The following FGGY variants were observed in gnomAD, a reference collection of about 807,000 sequenced individuals.
FGGY encodes the protein FGGY carbohydrate kinase domain containing, also known as FGGY carbohydrate kinase domain-containing protein.
Under a neutral mutation model 71.3 loss-of-function variants are expected in FGGY, and 72 were observed. The observed-to-expected ratio is 1.01, with a 90% CI of 0.84 to 1.23. The LOEUF (loss-of-function observed/expected upper bound fraction) is 1.23, where lower values mean the gene tolerates loss of function less well. FGGY is among the 50% of genes most tolerant of loss of function. The pLI is 0.00. For synonymous variants in FGGY, 251 were observed against 250.3 expected (o/e 1.00, Z -0.02); for missense variants, 668 against 682.3 (o/e 0.98, Z 0.23).
At chr1:59,732,711 GT>G (rs1225754051) in intron 14 of FGGY, among the ~76,000 whole-genome samples, 2 of 152,130 alleles carry the variant, frequency 1.3e-5, no homozygotes, top group African/African-American at 2.4e-5. Context: ...TAGTTGGTTA[GT>G]TGATTACTTT....
chr1:59,316,860 C>A (rs1166471327), intron 1 of FGGY, among the ~76,000 whole-genome samples: 1 of 152,130 alleles, frequency 6.6e-6, no homozygotes, highest in Non-Finnish European at 1.5e-5. Flanking sequence ...AGTCCGTGCC[C>A]TCATTTCTTT....
chr1:59,412,441 T>C (rs2063741048), intron 5 of FGGY, among the ~76,000 whole-genome samples: 1 of 152,174 alleles, frequency 6.6e-6, no homozygotes, highest in Non-Finnish European at 1.5e-5. Flanking sequence ...AACTTCATCT[T>C]GCCTCCCCCT....
Position 59,462,881 on chromosome 1 carries a change from A to C in FGGY, c.670+5805A>C, listed in dbSNP as rs527945612. 4.5e-3 allele frequency among the ~76,000 whole-genome samples: 676 copies of C among 151,826 alleles called. 4 individuals carry two copies. Among genetic ancestry groups the C allele is most frequent in the Non-Finnish European group, 8.3e-3 (563 of 67,952 alleles). On this transcript the variant is annotated intron_variant, in intron 6 of 15. Transcript: ENST00000303721. ...GGTGGGACTGTAAACTAGTTCAACC[A>C]TTGTGGAAGTCAGTGTGGTGATTCC...
At chr1:59,395,367 G>GGT (rs2061202669) in intron 5 of FGGY, among the ~76,000 whole-genome samples, 1 of 152,018 alleles carries the variant, frequency 6.6e-6, no homozygotes, top group Non-Finnish European at 1.5e-5. Context: ...TAATTTAAAA[G>GGT]GTGTTTTTAA....
At chr1:59,533,480 G>C (rs1359014476) in intron 7 of FGGY, among the ~76,000 whole-genome samples, 1 of 152,206 alleles carries the variant, frequency 6.6e-6, no homozygotes, top group Non-Finnish European at 1.5e-5. Flanking sequence ...CGGGAAGCTC[G>C]AACTGGGTGG....
chr1:59,511,923 A>G (rs980621447), intron 6 of FGGY, among the ~76,000 whole-genome samples: 1 of 152,218 alleles, frequency 6.6e-6, no homozygotes, highest in African/African-American at 2.4e-5. Flanking sequence ...ATGTGTGAAC[A>G]TGTGGGTTTA....
Position 59,562,119 on chromosome 1 carries a change from C to T in FGGY, c.903+7892C>T, listed in dbSNP as rs77181897. ...TTACAAAGTTAACATATTCCTACTA[C>T]GTGATCTAGCCATTCCACTCTTACA... On this transcript the variant is annotated intron_variant, in intron 8 of 15. Coordinates refer to ENST00000303721, the MANE Select transcript of FGGY (RefSeq NM_018291.5). Among the ~76,000 whole-genome samples, 238 of 152,288 alleles carry T rather than the reference C, an allele frequency of 1.6e-3. 1 individual carries two copies. The highest frequency in any genetic ancestry group is 5.2e-3 in the African/African-American group (216 of 41,566).
At chr1:59,683,251 A>G (rs141801884) in intron 14 of FGGY, among the ~76,000 whole-genome samples, 2 of 152,324 alleles carry the variant, frequency 1.3e-5, no homozygotes, top group East Asian at 3.9e-4. Flanking sequence ...AGTTTAAGTA[A>G]TGTGCCTGTG....
At chr1:59,388,471 C>T (rs186028550) in intron 5 of FGGY, among the ~76,000 whole-genome samples, 25 of 151,950 alleles carry the variant, frequency 1.6e-4, no homozygotes, top group African/African-American at 5.3e-4. Context: ...GAGAGGAGGT[C>T]GGGTGGAAGT....
chr1:59,464,595 A>G (rs560960872), intron 6 of FGGY, among the ~76,000 whole-genome samples: 1 of 152,204 alleles, frequency 6.6e-6, no homozygotes, highest in African/African-American at 2.4e-5. Context: ...GGTTTTTTGA[A>G]AAGATCAACA....
chr1:59,534,634 T>C (rs372534533), intron 7 of FGGY, among the ~76,000 whole-genome samples: 1 of 152,134 alleles, frequency 6.6e-6, no homozygotes, highest in Non-Finnish European at 1.5e-5. Flanking sequence ...GCGGATCTCT[T>C]GGCAGAAACT....
In FGGY at chr1:59,499,299, GTTT is replaced by G. The variant is rs58170089; in HGVS notation, c.671-12998_671-12996del. ...ACTGAACCCTATGTATACTATGTTT[GTTT>G]TTTTTTTTTTTTTGATCTGGTAACT... On this transcript the variant is annotated intron_variant, in intron 6 of 15. Coordinates refer to ENST00000303721, the MANE Select transcript of FGGY (RefSeq NM_018291.5). Among the ~76,000 whole-genome samples, 23 of 105,808 alleles carry G rather than the reference GTTT, an allele frequency of 2.2e-4. 2 individuals carry two copies. The highest frequency in any genetic ancestry group is 7.8e-4 in the African/African-American group (20 of 25,478). The allele number at this position is 105,808 out of a possible 152,430, so 69.4% of individuals were successfully genotyped here. A position where few individuals can be genotyped will look rare whatever the true frequency, so the allele number is the denominator to read the frequency against.
intron 5 of FGGY, among the ~76,000 whole-genome samples, chr1:59,434,858 C>T (rs1055817652): frequency 1.1e-4 from 16 of 152,164 alleles, no homozygotes; most frequent in Admixed American, 3.9e-4. Context: ...GGGATACACA[C>T]ACTGTCTATA....
chr1:59,762,440 A>AC, intron 15 of FGGY, 63 bp from the exon 16 acceptor site: 1 of 1,254,290 alleles, frequency 8.0e-7, no homozygotes, highest in Non-Finnish European at 1.1e-6. Flanking sequence ...TTCTAAATGT[A>AC]CAGGGAAGCC....
chr1:59,365,762 A>G (rs1484120957), intron 4 of FGGY, among the ~76,000 whole-genome samples: 1 of 152,228 alleles, frequency 6.6e-6, no homozygotes, highest in Non-Finnish European at 1.5e-5. Flanking sequence ...AGATGAGATC[A>G]TGCATGTCAA....
intron 12 of FGGY, among the ~76,000 whole-genome samples, chr1:59,663,676 G>T (rs1330165856): frequency 2.6e-5 from 4 of 152,170 alleles, no homozygotes; most frequent in Admixed American, 2.6e-4. Flanking sequence ...TTAAGACAGA[G>T]ATTTTTTTCA....
At chr1:59,310,775 G>A (rs2044176345) in intron 1 of FGGY, among the ~76,000 whole-genome samples, 1 of 152,202 alleles carries the variant, frequency 6.6e-6, no homozygotes, top group South Asian at 2.1e-4. Context: ...GAGGGAGACT[G>A]CTCCAAAGAG....
chr1:59,382,295 G>A (rs763683189), intron 5 of FGGY, among the ~76,000 whole-genome samples: 9 of 152,076 alleles, frequency 5.9e-5, no homozygotes, highest in Non-Finnish European at 1.0e-4. Flanking sequence ...ATTCAGCAGC[G>A]GGGGCTTCCA....
At chr1:59,601,037 T>G (rs192980337) in intron 8 of FGGY, among the ~76,000 whole-genome samples, 27 of 150,134 alleles carry the variant, frequency 1.8e-4, no homozygotes, top group Admixed American at 1.5e-3. Flanking sequence ...CTGGATTGTG[T>G]ATAAATGGTT....
Sources: gnomAD v4.1 joint callset for allele counts (sites outside exome capture counted in the v4.1 genomes callset) on GRCh38, gnomAD v4.1.1 for gene constraint, MANE v1.5 for transcripts, NCBI Gene and HGNC (gene_info 2026-07-23, HGNC 2026-07-21) for gene names.